CNTN1: variants seen among roughly 807,000 people sequenced by gnomAD.
CNTN1 encodes contactin 1, also known as contactin-1.
In CNTN1, 38 loss-of-function variants were observed where a neutral mutation model predicts 126.4. That is an observed-to-expected ratio of 0.30 (90% CI 0.23 to 0.39). The LOEUF (loss-of-function observed/expected upper bound fraction) is 0.39, where lower values mean the gene tolerates loss of function less well. CNTN1 is among the 10% of genes least tolerant of loss of function. The probability of loss-of-function intolerance (pLI) is 1.00; values close to 1 mark genes in which losing one functional copy is unlikely to be tolerated. For synonymous variants in CNTN1, 413 were observed against 422.6 expected, an observed-to-expected ratio of 0.98 and a Z score of 0.28; for missense variants, 1,009 against 1,248.4, an observed-to-expected ratio of 0.81 and a Z score of 2.89.
intron 16 of CNTN1, among the ~76,000 whole-genome samples, chr12:40,986,283 T>C (rs1947952326): frequency 6.6e-6 from 1 of 152,222 alleles, no homozygotes; most frequent in Non-Finnish European, 1.5e-5. Context: ...TGATAACTTT[T>C]TGCTCAATTC....
chr12:40,735,706 A>C (rs551453667), intron 1 of CNTN1, among the ~76,000 whole-genome samples: 10 of 152,246 alleles, frequency 6.6e-5, no homozygotes, highest in African/African-American at 2.4e-4. Context: ...TGTCAAATGC[A>C]ATAAATATCA....
At chr12:40,845,299 G>A (rs1160978183) in intron 1 of CNTN1, among the ~76,000 whole-genome samples, 41 of 152,118 alleles carry the variant, frequency 2.7e-4, no homozygotes, top group Non-Finnish European at 1.5e-5. Flanking sequence ...TGTTAGCCCA[G>A]TAAAGTGCAG....
intron 18 of CNTN1, among the ~76,000 whole-genome samples, chr12:41,014,904 T>C (rs1948744258): frequency 6.6e-6 from 1 of 152,164 alleles, no homozygotes; most frequent in Admixed American, 6.5e-5. Context: ...TGGGAAAAGT[T>C]GTCTGACAAA....
At chr12:40,773,319 G>A (rs570443637) in intron 1 of CNTN1, among the ~76,000 whole-genome samples, 5 of 151,720 alleles carry the variant, frequency 3.3e-5, no homozygotes, top group South Asian at 4.2e-4. Flanking sequence ...TTTAGAAAAC[G>A]ATAGTTAAGT....
chr12:40,910,170 C>A, intron 3 of CNTN1, 65 bp downstream of exon 3: 2 of 1,252,128 alleles, frequency 1.6e-6, no homozygotes, highest in South Asian at 1.2e-5. Flanking sequence ...TTTATCTCTG[C>A]TTTAAACTAT....
chr12:40,854,091 A>G (rs1052572941), intron 1 of CNTN1, among the ~76,000 whole-genome samples: 2 of 150,856 alleles, frequency 1.3e-5, no homozygotes, highest in African/African-American at 4.9e-5. Context: ...ACTGTATGCT[A>G]GGTACTATGC....
At chr12:40,813,055 C>CTTTCTTTCTT (rs1941135874) in intron 1 of CNTN1, among the ~76,000 whole-genome samples, 6 of 115,058 alleles carry the variant, frequency 5.2e-5, no homozygotes, top group African/African-American at 2.1e-4. Flanking sequence ...TTCTTTCTTT[C>CTTTCTTTCTT]TTTCTTCCTT....
intron 1 of CNTN1, among the ~76,000 whole-genome samples, chr12:40,893,997 C>T (rs1462748701): frequency 3.9e-5 from 6 of 152,118 alleles, no homozygotes; most frequent in Admixed American, 3.9e-4. Context: ...TCCTTACACT[C>T]TAATAGCCAC....
At chr12:41,023,709 C>T (rs552838123) in intron 20 of CNTN1, among the ~76,000 whole-genome samples, 5 of 152,270 alleles carry the variant, frequency 3.3e-5, no homozygotes, top group Admixed American at 2.6e-4. Flanking sequence ...ATAGTCTACT[C>T]AAATATTTTT....
At chr12:40,833,028 C>A (rs1202870573) in intron 1 of CNTN1, among the ~76,000 whole-genome samples, 4 of 152,034 alleles carry the variant, frequency 2.6e-5, no homozygotes, top group African/African-American at 9.7e-5. Flanking sequence ...GTGCTGTGCT[C>A]TCTGCTCTGG....
At chr12:40,991,744 C>T (rs1435480434) in intron 16 of CNTN1, among the ~76,000 whole-genome samples, 3 of 152,296 alleles carry the variant, frequency 2.0e-5, no homozygotes, top group South Asian at 2.1e-4. Context: ...AGGAGAATGG[C>T]GTGAACCCAG....
intron 14 of CNTN1, among the ~76,000 whole-genome samples, chr12:40,954,518 C>A (rs1451459220): frequency 6.6e-6 from 1 of 152,030 alleles, no homozygotes; most frequent in Non-Finnish European, 1.5e-5. Flanking sequence ...AAAATAACAT[C>A]TTTTACCTCC....
In CNTN1 at chr12:40,939,421, A is replaced by G. The variant is rs748101740; in HGVS notation, c.1315A>G (p.Lys439Glu). 9.9e-6 allele frequency: 16 copies of G among 1,613,812 alleles called. No homozygotes were observed. The South Asian group carries it at 1.6e-4, about 17-fold the overall frequency. ...AAGGGTGATAATTGAATGCAAACCT[A>G]AAGCTGCACCGAAACCAAAGTTTTC... ...GGRVIIECKP[K>E]AAPKPKFSWS... The change falls in exon 12 of 24, where the codon AAA becomes GAA. Residue 439 changes from lysine to glutamate, a missense_variant. Transcript: ENST00000551295.
chr12:40,995,552 C>T (rs947354090), intron 17 of CNTN1, among the ~76,000 whole-genome samples: 1 of 152,234 alleles, frequency 6.6e-6, no homozygotes, highest in Non-Finnish European at 1.5e-5. Flanking sequence ...TTATTTTTGT[C>T]ATCACCTTCT....
chr12:40,904,177 CA>C (rs1944719539), intron 1 of CNTN1, among the ~76,000 whole-genome samples: 1 of 152,000 alleles, frequency 6.6e-6, no homozygotes, highest in Non-Finnish European at 1.5e-5. Context: ...TGCCACCACG[CA>C]CAGCTAATTT....
chr12:40,842,413 C>T (rs761295428), intron 1 of CNTN1, among the ~76,000 whole-genome samples: 36 of 152,006 alleles, frequency 2.4e-4, no homozygotes, highest in African/African-American at 7.5e-4. Flanking sequence ...GTTCCCAACA[C>T]GAAAGAAAAC....
intron 1 of CNTN1, among the ~76,000 whole-genome samples, chr12:40,893,817 C>A (rs776574662): frequency 6.6e-6 from 1 of 152,082 alleles, no homozygotes; most frequent in Non-Finnish European, 1.5e-5. Flanking sequence ...AAGTAGCTAT[C>A]CCCCACTCCT....
chr12:40,939,125 T>C (rs536971030), intron 11 of CNTN1, among the ~76,000 whole-genome samples: 1 of 152,254 alleles, frequency 6.6e-6, no homozygotes, highest in South Asian at 2.1e-4. Context: ...GAATTGTACA[T>C]TTGAATTGGG....
chr12:40,791,554 T>C (rs1462208886), intron 1 of CNTN1, among the ~76,000 whole-genome samples: 2 of 152,182 alleles, frequency 1.3e-5, no homozygotes, highest in African/African-American at 4.8e-5. Context: ...AAGAAATACA[T>C]GTAGACTATT....
Sources: allele counts gnomAD v4.1 joint callset (sites outside exome capture counted in the v4.1 genomes callset), GRCh38; gene constraint gnomAD v4.1.1; transcripts MANE v1.5; gene names NCBI Gene and HGNC (gene_info 2026-07-23, HGNC 2026-07-21).